The following FRRS1 variants were observed in gnomAD, a reference collection of about 807,000 sequenced individuals.
FRRS1 encodes ferric reductase 1.
FRRS1 carries 51 observed loss-of-function variants against 70.7 expected under a neutral mutation model. That is an observed-to-expected ratio of 0.72 (90% CI 0.58 to 0.91). The LOEUF (loss-of-function observed/expected upper bound fraction) is 0.91. FRRS1 is among the 40% of genes least tolerant of loss of function. The probability of loss-of-function intolerance (pLI) is 0.00; values close to 1 mark genes in which losing one functional copy is unlikely to be tolerated. For synonymous variants in FRRS1, 225 were observed against 238.7 expected, an observed-to-expected ratio of 0.94 and a Z score of 0.53; for missense variants, 672 against 726.0, an observed-to-expected ratio of 0.93 and a Z score of 0.86.
At chr1:99,754,058 A>G (rs556129509) in intron 1 of FRRS1, among the ~76,000 whole-genome samples, 95 of 152,346 alleles carry the variant, frequency 6.2e-4, no homozygotes, top group African/African-American at 2.1e-3. Context: ...GCTTTACCTA[A>G]TAATAAAAGG....
chr1:99,710,986 T>A, intron 14 of FRRS1, 37 bp from the exon 15 acceptor site: 1 of 1,582,780 alleles, frequency 6.3e-7, no homozygotes, highest in South Asian at 1.1e-5. Flanking sequence ...TCAAATGTAG[T>A]CCCACCAAGA....
chr1:99,742,339 T>C (rs2100970034), intron 4 of FRRS1, 66 bp from the exon 5 acceptor site: 4 of 972,492 alleles, frequency 4.1e-6, no homozygotes, highest in Non-Finnish European at 1.6e-6. Context: ...GGAACTTCTA[T>C]CATTTTGCGA....
At position 99,712,404 on chromosome 1, in the gene FRRS1, A is replaced by G; in HGVS notation, c.1421+14T>C. 6.5e-7 allele frequency: 1 copy of G among 1,530,446 alleles called. No homozygotes were observed. Among genetic ancestry groups the G allele is most frequent in the Non-Finnish European group, 8.9e-7 (1 of 1,117,396 alleles). 94.8% of individuals were successfully genotyped at this position (1,530,446 alleles called of 1,614,324 possible). ...TACATTAAGAGAGCATTTATATAGA[A>G]AGGCTCTAAGTACCTTGGGTCATGT... is the stretch of plus-strand genomic sequence containing the variant. On this transcript the variant is annotated intron_variant, in intron 13 of 16. Transcript: ENST00000646001.
intron 6 of FRRS1, 63 bp from the exon 7 acceptor site, chr1:99,738,331 C>T (rs1655783148): frequency 1.6e-6 from 2 of 1,250,100 alleles, no homozygotes; most frequent in Non-Finnish European, 2.2e-6. Flanking sequence ...TTGGCAATGA[C>T]AGAAGAATAA....
intron 7 of FRRS1, among the ~76,000 whole-genome samples, chr1:99,735,111 C>T (rs1041244168): frequency 6.6e-6 from 1 of 152,140 alleles, no homozygotes; most frequent in Non-Finnish European, 1.5e-5. Flanking sequence ...TTAAGCAAAA[C>T]AACATACAAC....
chr1:99,728,301 G>A (rs551895467), intron 9 of FRRS1, among the ~76,000 whole-genome samples, 192 bp downstream of exon 9: 2 of 152,224 alleles, frequency 1.3e-5, no homozygotes, highest in African/African-American at 4.8e-5. Flanking sequence ...TATAACACAA[G>A]GGACACTCTA....
At chr1:99,715,446 G>A in intron 12 of FRRS1, 140 bp downstream of exon 12, 1 of 598,532 alleles carries the variant, frequency 1.7e-6, no homozygotes, top group Non-Finnish European at 3.1e-6. Context: ...CCATGTGAGA[G>A]AGCCATCCAA....
chr1:99,708,910 C>A lies in FRRS1; in HGVS notation c.*118G>T. On this transcript the variant is annotated 3_prime_UTR_variant, in exon 17 of 17. Coordinates refer to ENST00000646001, the MANE Select transcript of FRRS1 (RefSeq NM_001361041.2). ...CTTCAGAATTCCTCTACAGACATGA[C>A]CCCAGTCTTCCAAGTGAGAATTCAC... is the stretch of plus-strand genomic sequence containing the variant. The A allele has an allele frequency of 6.2e-7, 1 of 1,612,458 alleles. No individual in the cohort carries two copies. The highest frequency in any genetic ancestry group is 8.5e-7 in the Non-Finnish European group (1 of 1,178,708).
intron 4 of FRRS1, among the ~76,000 whole-genome samples, chr1:99,743,645 A>C (rs574928223): frequency 6.6e-6 from 1 of 152,362 alleles, no homozygotes; most frequent in Admixed American, 6.5e-5. Flanking sequence ...GTAAAAATGC[A>C]GTATTAAATC....
At position 99,708,943 on chromosome 1, in the gene FRRS1, C is replaced by T; in HGVS notation, c.*85G>A. 1 of 1,613,910 alleles carries T rather than the reference C, an allele frequency of 6.2e-7. No homozygotes were observed. Among genetic ancestry groups the T allele is most frequent in the Non-Finnish European group, 8.5e-7 (1 of 1,179,968 alleles). ...TTCCAAGTGAGAATTCACAAATATG[C>T]TCCAGGCAGTCAGGACAGGCTTCAA... is the stretch of plus-strand genomic sequence containing the variant. On this transcript the variant is annotated 3_prime_UTR_variant, in exon 17 of 17. Transcript: ENST00000646001.
intron 7 of FRRS1, among the ~76,000 whole-genome samples, chr1:99,731,928 A>C (rs1201769794): frequency 6.6e-6 from 1 of 152,198 alleles, no homozygotes. Flanking sequence ...AGCCACCCAA[A>C]GTGATGAGAC....
chr1:99,747,581 C>T lies in FRRS1; in HGVS notation c.197-151G>A, dbSNP rs980716764. On this transcript the variant is annotated intron_variant, in intron 3 of 16. Coordinates refer to ENST00000646001, the MANE Select transcript of FRRS1 (RefSeq NM_001361041.2). ...ATCTTATAGGCAAAGAAGCTCTAAA[C>T]TTTTTCCATAAAATTTTTTCCAGTG... The T allele has an allele frequency of 2.6e-5, 18 of 683,140 alleles. No individual in the cohort carries two copies. In the African/African-American group the frequency reaches 2.7e-4, roughly 10 times the overall value. 42.3% of individuals were successfully genotyped at this position (683,140 alleles called of 1,614,324 possible). A position where few individuals can be genotyped will look rare whatever the true frequency, so the allele number is the denominator to read the frequency against.
intron 7 of FRRS1, among the ~76,000 whole-genome samples, chr1:99,736,619 T>C (rs1655670157): frequency 1.1e-5 from 1 of 94,622 alleles, no homozygotes; most frequent in Admixed American, 1.1e-4. Flanking sequence ...GGGACTGTTG[T>C]GGGGTGGGGA....
intron 1 of FRRS1, among the ~76,000 whole-genome samples, chr1:99,751,521 AAAAG>A (rs777212774): frequency 1.3e-5 from 2 of 152,306 alleles, no homozygotes; most frequent in South Asian, 4.1e-4. Flanking sequence ...AGCCAGAGGA[AAAAG>A]AAAGGAACAA....
intron 7 of FRRS1, among the ~76,000 whole-genome samples, chr1:99,734,558 A>C (rs1456379150): frequency 6.6e-6 from 1 of 152,208 alleles, no homozygotes; most frequent in Non-Finnish European, 1.5e-5. Context: ...TTTTCAAAAC[A>C]AAAAATTGGA....
At chr1:99,756,534 A>T (rs1429735847) in intron 1 of FRRS1, among the ~76,000 whole-genome samples, 1 of 152,230 alleles carries the variant, frequency 6.6e-6, no homozygotes, top group East Asian at 1.9e-4. Context: ...CCACAGAAGC[A>T]AGTGATGTTA....
At position 99,744,982 on chromosome 1, in the gene FRRS1, AAAAAAAAAAAAAAAAG is replaced by A. The variant is rs1434894707; in HGVS notation, c.333+2296_333+2311del. 4.1e-4 allele frequency among the ~76,000 whole-genome samples: 22 copies of A among 53,578 alleles called. No homozygotes were observed. The African/African-American group carries it at 7.0e-3, about 17-fold the overall frequency. The allele number at this position is 53,578 out of a possible 152,430, so 35.1% of individuals were successfully genotyped here. ...GAGACTCCGTCTCAAAAAAAAAAAA[AAAAAAAAAAAAAAAAG>A]AAAGAAAGAAAAGAAAATCATTGAG... On this transcript the variant is annotated intron_variant, in intron 4 of 16. Coordinates refer to ENST00000646001, the MANE Select transcript of FRRS1 (RefSeq NM_001361041.2).
chr1:99,759,762 G>A (rs770428323), intron 1 of FRRS1, among the ~76,000 whole-genome samples: 8 of 152,252 alleles, frequency 5.3e-5, no homozygotes, highest in South Asian at 2.1e-4. Context: ...GTGATGACCC[G>A]GCAGTTAGAA....
rs1025287854 is a variant in FRRS1 at position 99,711,044 on chromosome 1, A to T, written c.1481-95T>A. The stretch of plus-strand genomic sequence containing the variant: ...TGTGTATTATCAAGTAAAACATACT[A>T]AAAGAGTTTGAGATAAAAGAAGATT... On this transcript the variant is annotated intron_variant, in intron 14 of 16. Transcript: ENST00000646001. 5.8e-6 allele frequency: 6 copies of T among 1,036,294 alleles called. No homozygotes were observed. In the East Asian group the frequency reaches 1.6e-4, roughly 27 times the overall value. The allele number at this position is 1,036,294 out of a possible 1,614,324, so 64.2% of individuals were successfully genotyped here.
Sources: allele counts gnomAD v4.1 joint callset (sites outside exome capture counted in the v4.1 genomes callset), GRCh38; gene constraint gnomAD v4.1.1; transcripts MANE v1.5; gene names NCBI Gene and HGNC (gene_info 2026-07-23, HGNC 2026-07-21).